Variants in ZMYM4 observed in about 807,000 individuals in gnomAD.
ZMYM4 encodes zinc finger MYM-type protein 4.
In ZMYM4, 31 loss-of-function variants were observed where a neutral mutation model predicts 183.2. That is an observed-to-expected ratio of 0.17 (90% CI 0.13 to 0.23). The LOEUF is 0.23. ZMYM4 is among the 10% of genes least tolerant of loss of function. The pLI is 1.00. For synonymous variants in ZMYM4, 592 were observed against 631.2 expected (o/e 0.94, Z 0.93); for missense variants, 1,273 against 1,840.3 (o/e 0.69, Z 5.64).
At chr1:35,298,216 C>T (rs976093592) in intron 1 of ZMYM4, among the ~76,000 whole-genome samples, 5 of 152,170 alleles carry the variant, frequency 3.3e-5, no homozygotes, top group African/African-American at 4.8e-5. Flanking sequence ...CAATAAAAGT[C>T]AGTAGGATGG....
intron 2 of ZMYM4, among the ~76,000 whole-genome samples, chr1:35,357,823 G>A (rs1353045815): frequency 6.6e-6 from 1 of 152,212 alleles, no homozygotes; most frequent in Non-Finnish European, 1.5e-5. Context: ...TAGGAAGTCA[G>A]TAGCAAAGGT....
chr1:35,330,630 G>C (rs1449146449), intron 2 of ZMYM4, among the ~76,000 whole-genome samples: 6 of 152,172 alleles, frequency 3.9e-5, no homozygotes, highest in Non-Finnish European at 5.9e-5. Context: ...GGCTCTCTTA[G>C]TAAGGAAAAG....
chr1:35,363,218 G>A (rs868447937), intron 5 of ZMYM4, among the ~76,000 whole-genome samples: 2 of 152,046 alleles, frequency 1.3e-5, no homozygotes, highest in African/African-American at 2.4e-5. Flanking sequence ...GTGCTCAAGC[G>A]ATCCTCCTGC....
At chr1:35,296,896 C>G (rs1171564429) in intron 1 of ZMYM4, among the ~76,000 whole-genome samples, 1 of 133,834 alleles carries the variant, frequency 7.5e-6, no homozygotes, top group Non-Finnish European at 1.5e-5. Context: ...ATTGCCCAGG[C>G]TGGAGTGCAG....
intron 5 of ZMYM4, among the ~76,000 whole-genome samples, chr1:35,363,230 A>G (rs967675041): frequency 1.3e-5 from 2 of 152,060 alleles, no homozygotes; most frequent in African/African-American, 2.4e-5. Context: ...TCCTCCTGCT[A>G]TGGCCTTCCA....
At position 35,421,156 on chromosome 1, in the gene ZMYM4, G is replaced by A. The variant is rs1640313642; in HGVS notation, c.*1479G>A. 6.6e-6 allele frequency: 1 copy of A among 152,576 alleles called. No homozygotes were observed. Among genetic ancestry groups the A allele is most frequent in the South Asian group, 2.1e-4 (1 of 4,822 alleles). The allele number at this position is 152,576 out of a possible 1,614,324, so 9.5% of individuals were successfully genotyped here. ...CAGGGTATCTCATTTTTTAGGTGGG[G>A]GTGGCAGGTGTATTTCTTTTTTAAC... is the stretch of plus-strand genomic sequence containing the variant. On this transcript the variant is annotated 3_prime_UTR_variant, in exon 30 of 30. Transcript: ENST00000314607.
chr1:35,366,382 C>G (rs555685638), intron 5 of ZMYM4, among the ~76,000 whole-genome samples: 1 of 151,954 alleles, frequency 6.6e-6, no homozygotes, highest in Non-Finnish European at 1.5e-5. Context: ...ATACAAGTTG[C>G]GGATGTCATC....
At chr1:35,296,065 T>C (rs781102817) in intron 1 of ZMYM4, 1 of 152,204 alleles carries the variant, frequency 6.6e-6, no homozygotes, top group Non-Finnish European at 1.5e-5. Flanking sequence ...CCATTATCCT[T>C]GGTGAAGTCA....
Position 35,392,652 on chromosome 1 carries a change from G to C in ZMYM4, c.2734G>C (p.Val912Leu). 1.3e-6 allele frequency: 2 copies of C among 1,594,194 alleles called. No homozygotes were observed. Among genetic ancestry groups the C allele is most frequent in the Non-Finnish European group, 1.7e-6 (2 of 1,174,010 alleles). The change falls in exon 17 of 30, where the codon GTT becomes CTT. Residue 912 changes from valine (V) to leucine (L), a missense_variant. Transcript: ENST00000314607. ...ATGTTTTAATTTATATCAAGGTGCA[G>C]TTCCAACAGTAACAGCGAAAATCAT... The part of the protein sequence containing the change: ...VNSNSVLQGA[V>L]PTVTAKIIGD...
chr1:35,412,172 C>G (rs1042118598), intron 26 of ZMYM4, among the ~76,000 whole-genome samples: 1 of 151,488 alleles, frequency 6.6e-6, no homozygotes, highest in African/African-American at 2.5e-5. Flanking sequence ...AGCCACCGCA[C>G]CTGGCGGGAC....
At chr1:35,315,017 CATCTCAAA>C (rs1300311566) in intron 1 of ZMYM4, among the ~76,000 whole-genome samples, 1 of 148,430 alleles carries the variant, frequency 6.7e-6, no homozygotes, top group African/African-American at 2.5e-5. Flanking sequence ...AGCAAGACTC[CATCTCAAA>C]AAAACAAAAA....
intron 1 of ZMYM4, among the ~76,000 whole-genome samples, chr1:35,292,002 T>A (rs1044679673): frequency 6.6e-6 from 1 of 152,170 alleles, no homozygotes; most frequent in Non-Finnish European, 1.5e-5. Flanking sequence ...GTGTTTTTAT[T>A]TGAGTCTTGC....
chr1:35,370,227 T>A lies in ZMYM4; in HGVS notation c.925+114T>A, dbSNP rs974779755. 3.4e-6 allele frequency: 5 copies of A among 1,482,782 alleles called. No homozygotes were observed. The African/African-American group carries it at 7.1e-5, about 21-fold the overall frequency. The allele number at this position is 1,482,782 out of a possible 1,614,324, so 91.9% of individuals were successfully genotyped here. A position where few individuals can be genotyped will look rare whatever the true frequency, so the allele number is the denominator to read the frequency against. On this transcript the variant is annotated intron_variant, in intron 6 of 29. Transcript: ENST00000314607. Reference sequence around the variant, plus strand: ...CTCTCTCTACCCACTTAGGATGCCTTTAAATTGTATATTGCATAATTACTG... The same window carrying A: ...CTCTCTCTACCCACTTAGGATGCCTATAAATTGTATATTGCATAATTACTG...
intron 2 of ZMYM4, among the ~76,000 whole-genome samples, chr1:35,338,512 G>C (rs978583774): frequency 1.3e-5 from 2 of 152,146 alleles, no homozygotes; most frequent in Non-Finnish European, 2.9e-5. Context: ...GGTATCTGTG[G>C]GGTAGGGGAA....
At chr1:35,364,706 A>G (rs1161910813) in intron 5 of ZMYM4, among the ~76,000 whole-genome samples, 1 of 152,192 alleles carries the variant, frequency 6.6e-6, no homozygotes, top group Non-Finnish European at 1.5e-5. Context: ...TCATGGTTCA[A>G]TAAAATCATA....
chr1:35,329,072 AAT>A (rs1642625784), intron 2 of ZMYM4, among the ~76,000 whole-genome samples: 1 of 152,186 alleles, frequency 6.6e-6, no homozygotes, highest in African/African-American at 2.4e-5. Flanking sequence ...CTGTCAGCAA[AAT>A]ATAGTATTTA....
intron 27 of ZMYM4, 119 bp from the exon 28 acceptor site, chr1:35,415,347 G>T: frequency 7.4e-7 from 1 of 1,359,902 alleles, no homozygotes. Context: ...ATAAGGAAGA[G>T]GGGAAAGAGG....
chr1:35,404,643 T>C (rs1644969677), intron 23 of ZMYM4, among the ~76,000 whole-genome samples: 1 of 152,214 alleles, frequency 6.6e-6, no homozygotes, highest in Non-Finnish European at 1.5e-5. Context: ...AATTTCATTG[T>C]AGTTAGATAA....
At chr1:35,340,722 T>C in intron 2 of ZMYM4, among the ~76,000 whole-genome samples, 1 of 152,088 alleles carries the variant, frequency 6.6e-6, no homozygotes, top group Non-Finnish European at 1.5e-5. Flanking sequence ...ATTCAAGCAA[T>C]GGGGAGTGGC....
Sources: allele counts gnomAD v4.1 joint callset (sites outside exome capture counted in the v4.1 genomes callset), GRCh38; gene constraint gnomAD v4.1.1; transcripts MANE v1.5; gene names NCBI Gene and HGNC (gene_info 2026-07-23, HGNC 2026-07-21).